GALNT7: variants seen among roughly 807,000 people sequenced by gnomAD.
GALNT7 encodes polypeptide N-acetylgalactosaminyltransferase 7.
GALNT7 carries 60 observed loss-of-function variants against 82.1 expected under a neutral mutation model. That is an observed-to-expected ratio of 0.73 (90% CI 0.59 to 0.91). The LOEUF is 0.91. GALNT7 is among the 40% of genes least tolerant of loss of function. The probability of loss-of-function intolerance (pLI) is 0.00; values close to 1 mark genes in which losing one functional copy is unlikely to be tolerated. For missense variants in GALNT7, 660 were observed against 804.2 expected, an observed-to-expected ratio of 0.82 and a Z score of 2.17; for synonymous variants, 243 against 275.1, an observed-to-expected ratio of 0.88 and a Z score of 1.15.
Position 173,302,272 on chromosome 4 carries a change from GC to G in GALNT7, c.1266+109del. 1.4e-6 allele frequency: 1 copy of G among 729,174 alleles called. No homozygotes were observed. The highest frequency in any genetic ancestry group is 1.5e-5 in the South Asian group (1 of 65,464). The allele number at this position is 729,174 out of a possible 1,614,324, so 45.2% of individuals were successfully genotyped here. On this transcript the variant is annotated intron_variant, in intron 7 of 11. Coordinates refer to ENST00000265000, the MANE Select transcript of GALNT7 (RefSeq NM_017423.3). This position sits in a 1 kb window ranked among gnomAD's most constrained non-coding sequence, Gnocchi z 4.2. ...GGAAAAAAGCCCACAATTATATCAT[GC>G]ATTTCTCCAAATTGTATAGAATGAT...
At chr4:173,201,606 A>G (rs192746353) in intron 1 of GALNT7, among the ~76,000 whole-genome samples, 2 of 152,348 alleles carry the variant, frequency 1.3e-5, no homozygotes, top group Admixed American at 6.5e-5. Flanking sequence ...CAGGATTCAA[A>G]TCAACATTGT....
intron 1 of GALNT7, among the ~76,000 whole-genome samples, chr4:173,174,059 A>G (rs566335846): frequency 6.6e-6 from 1 of 152,270 alleles, no homozygotes; most frequent in African/African-American, 2.4e-5. Context: ...GTGAAAGTGT[A>G]GTGTCTTAAG....
intron 2 of GALNT7, among the ~76,000 whole-genome samples, chr4:173,274,249 A>G (rs1421675535): frequency 6.6e-6 from 1 of 152,208 alleles, no homozygotes; most frequent in Non-Finnish European, 1.5e-5. Flanking sequence ...AAAAAAAGAA[A>G]ATTTGAAAAT....
intron 1 of GALNT7, among the ~76,000 whole-genome samples, chr4:173,199,315 G>A (rs1319735189): frequency 6.6e-6 from 1 of 152,202 alleles, no homozygotes; most frequent in South Asian, 2.1e-4. Context: ...TCCTAGATCC[G>A]CCACTTACTT....
In GALNT7 at chr4:173,321,789, C is replaced by A; in HGVS notation, c.*72C>A. ...TACAGGACTGAAAACCGCCTGAAAC[C>A]TGCTGCAACTATTGTTATTAACTCT... is the stretch of plus-strand genomic sequence containing the variant. On this transcript the variant is annotated 3_prime_UTR_variant, in exon 12 of 12. Coordinates refer to ENST00000265000, the MANE Select transcript of GALNT7 (RefSeq NM_017423.3). 5 of 981,610 alleles carry A rather than the reference C, an allele frequency of 5.1e-6. No homozygotes were observed. Among genetic ancestry groups the A allele is most frequent in the Non-Finnish European group, 6.3e-6 (4 of 630,532 alleles). 60.8% of individuals were successfully genotyped at this position (981,610 alleles called of 1,614,324 possible).
chr4:173,218,157 A>G (rs1579921505), intron 1 of GALNT7, among the ~76,000 whole-genome samples: 1 of 152,208 alleles, frequency 6.6e-6, no homozygotes, highest in African/African-American at 2.4e-5. Flanking sequence ...AAGATAGATT[A>G]GTGATTCTGG....
At chr4:173,315,787 C>T (rs1443588537) in intron 9 of GALNT7, 5 of 152,222 alleles carry the variant, frequency 3.3e-5, no homozygotes, top group Admixed American at 2.6e-4. Context: ...TGCTTAACAT[C>T]AGGACTTGAA....
Position 173,197,065 on chromosome 4 carries a change from T to TC in GALNT7, c.126+28104_126+28105insC, listed in dbSNP as rs1348612387. ...AGATTCTCTATCTCTCTCTCTCCCTTTTTTTTTTTTTTTTTTTTGACAGGT... is the reference window on the plus strand; with the variant it reads ...AGATTCTCTATCTCTCTCTCTCCCTTCTTTTTTTTTTTTTTTTTTGACAGGT... On this transcript the variant is annotated intron_variant, in intron 1 of 11. Transcript: ENST00000265000. 2.2e-5 allele frequency among the ~76,000 whole-genome samples: 3 copies of TC among 137,186 alleles called. No homozygotes were observed. In the East Asian group the frequency reaches 7.4e-4, roughly 34 times the overall value. The allele number at this position is 137,186 out of a possible 152,430, so 90.0% of individuals were successfully genotyped here.
intron 1 of GALNT7, among the ~76,000 whole-genome samples, chr4:173,221,854 T>G (rs1164730392): frequency 2.0e-5 from 3 of 152,184 alleles, no homozygotes; most frequent in African/African-American, 7.2e-5. Context: ...GATATATAAT[T>G]CAGATTTATT....
At chr4:173,252,998 G>A (rs998052231) in intron 2 of GALNT7, among the ~76,000 whole-genome samples, 5 of 151,794 alleles carry the variant, frequency 3.3e-5, no homozygotes, top group Admixed American at 6.6e-5. Flanking sequence ...CCAGGAGTTC[G>A]AGACCAGCCT....
intron 1 of GALNT7, among the ~76,000 whole-genome samples, chr4:173,241,084 G>A (rs1734413550): frequency 6.6e-6 from 1 of 151,862 alleles, no homozygotes; most frequent in Admixed American, 6.6e-5. Context: ...AAAAATAGTT[G>A]ATTAGCCAGG....
In GALNT7 at chr4:173,304,066, G is replaced by A. The variant is rs1446791320; in HGVS notation, c.1337G>A (p.Gly446Asp). ...SRVGHIYRLE[G>D]WQGNPPPIYV... The stretch of plus-strand genomic sequence containing the variant: ...GTTGGACATATCTACCGTCTTGAGG[G>A]CTGGCAAGGAAATCCTCCGCCCATT... Residue 446 changes from glycine (G) to aspartate (D), a missense_variant, in exon 8 of 12, where the codon GGC becomes GAC. Physicochemically the swap from Gly to Asp is moderately conservative, Grantham distance 94 (BLOSUM62 -1). Coordinates refer to ENST00000265000, the MANE Select transcript of GALNT7 (RefSeq NM_017423.3). 6.2e-7 allele frequency: 1 copy of A among 1,613,104 alleles called. No homozygotes were observed. The highest frequency in any genetic ancestry group is 1.7e-5 in the Admixed American group (1 of 59,960).
chr4:173,216,727 A>ATT (rs1554022010), intron 1 of GALNT7, among the ~76,000 whole-genome samples: 7 of 12,982 alleles, frequency 5.4e-4, no homozygotes, highest in South Asian at 5.3e-3. Context: ...ATATATATAT[A>ATT]TTTTTTTTTT....
At chr4:173,211,466 A>G (rs576069891) in intron 1 of GALNT7, among the ~76,000 whole-genome samples, 2 of 152,326 alleles carry the variant, frequency 1.3e-5, no homozygotes, top group South Asian at 4.1e-4. Flanking sequence ...AATGATACAG[A>G]CCTCAGTCTT....
Position 173,292,298 on chromosome 4 carries a change from T to G in GALNT7, c.754+24T>G. On this transcript the variant is annotated intron_variant, in intron 3 of 11. Transcript: ENST00000265000. The surrounding 1 kb of genome is among the most constrained non-coding windows in gnomAD (Gnocchi z 4.8). ...AGGTAATGGCTGTGAAACTCACATT[T>G]TGTCTATAAAATAAGTTAAGCATGA... 7.0e-7 allele frequency: 1 copy of G among 1,427,880 alleles called. No homozygotes were observed. The highest frequency in any genetic ancestry group is 2.4e-5 in the East Asian group (1 of 41,552). The allele number at this position is 1,427,880 out of a possible 1,614,324, so 88.5% of individuals were successfully genotyped here.
intron 1 of GALNT7, among the ~76,000 whole-genome samples, chr4:173,207,071 G>C (rs1018518991): frequency 1.3e-5 from 2 of 152,164 alleles, no homozygotes; most frequent in Non-Finnish European, 2.9e-5. Flanking sequence ...CTCTTCACCT[G>C]TGTTGTCTTG....
chr4:173,227,997 T>C (rs1159265291), intron 1 of GALNT7, among the ~76,000 whole-genome samples: 1 of 152,156 alleles, frequency 6.6e-6, no homozygotes, highest in African/African-American at 2.4e-5. Flanking sequence ...ATGTGTTTTC[T>C]GTTTGTTCCT....
chr4:173,302,247 G>C lies in GALNT7; in HGVS notation c.1266+83G>C. 1 of 755,678 alleles carries C rather than the reference G, an allele frequency of 1.3e-6. No homozygotes were observed. The highest frequency in any genetic ancestry group is 2.4e-6 in the Non-Finnish European group (1 of 418,422). 46.8% of individuals were successfully genotyped at this position (755,678 alleles called of 1,614,324 possible). ...TCAGATAAAGCTAGTTTTTTGTGGG[G>C]GAAAAAAGCCCACAATTATATCATG... is the stretch of plus-strand genomic sequence containing the variant. On this transcript the variant is annotated intron_variant, in intron 7 of 11. Transcript: ENST00000265000. This position sits in a 1 kb window ranked among gnomAD's most constrained non-coding sequence, Gnocchi z 4.2.
chr4:173,257,103 G>A lies in GALNT7; in HGVS notation c.587+8663G>A, dbSNP rs551794162. ...TGGAATATCTGGTAAAAGGACCTGC[G>A]TTGGAGAGAAGGCAATCTTTAAAAG... On this transcript the variant is annotated intron_variant, in intron 2 of 11. Transcript: ENST00000265000. Among the ~76,000 whole-genome samples, 30 of 152,298 alleles carry A rather than the reference G, an allele frequency of 2.0e-4. No individual in the cohort carries two copies. The South Asian group carries it at 5.0e-3, about 25-fold the overall frequency.
Sources: allele counts gnomAD v4.1 joint callset (sites outside exome capture counted in the v4.1 genomes callset), GRCh38; gene constraint gnomAD v4.1.1; non-coding constraint Gnocchi (gnomAD v3.1); transcripts MANE v1.5; gene names NCBI Gene and HGNC (gene_info 2026-07-23, HGNC 2026-07-21).